Variants in RANBP2 observed in about 807,000 individuals in gnomAD.
RANBP2 encodes E3 SUMO-protein ligase RanBP2.
Under a neutral mutation model 303.6 loss-of-function variants are expected in RANBP2, and 57 were observed. The observed-to-expected ratio is 0.19, with a 90% CI of 0.15 to 0.23. The LOEUF (loss-of-function observed/expected upper bound fraction) is 0.23. RANBP2 is among the 10% of genes least tolerant of loss of function. The pLI is 1.00. For synonymous variants in RANBP2, 1,167 were observed against 1,301.5 expected (o/e 0.90, Z 2.23); for missense variants, 3,138 against 3,780.8 (o/e 0.83, Z 4.46).
At chr2:108,916,048 G>A in the RANBP2 span, among the ~76,000 whole-genome samples, 1 of 152,178 alleles carries the variant, frequency 6.6e-6, no homozygotes, top group East Asian at 1.9e-4. Context: ...AGTGTGATAA[G>A]GAGGCTTCAG....
At chr2:109,263,213 C>A in the RANBP2 span, among the ~76,000 whole-genome samples, 2 of 152,124 alleles carry the variant, frequency 1.3e-5, no homozygotes, top group Admixed American at 6.5e-5. Flanking sequence ...TTTATAATGA[C>A]CCGGCTGTCT....
At chr2:109,190,088 G>C in the RANBP2 span, among the ~76,000 whole-genome samples, 1 of 152,186 alleles carries the variant, frequency 6.6e-6, no homozygotes, top group Non-Finnish European at 1.5e-5. Context: ...AACTTTTCCC[G>C]TGATCATATG....
chr2:109,651,187 G>C, the RANBP2 span, among the ~76,000 whole-genome samples: 4 of 152,244 alleles, frequency 2.6e-5, no homozygotes, highest in East Asian at 7.7e-4. Context: ...GTAATAATGA[G>C]AGGGTTCACT....
chr2:108,776,484 T>G lies in RANBP2; in HGVS notation c.8497+548T>G, dbSNP rs7584452. ...TGGAAGTGGGAAGTTTAAGTTGTAT[T>G]GCTTTGTGTACCTTACCTACTTTTT... On this transcript the variant is annotated intron_variant, in intron 24 of 28. Transcript: ENST00000283195. 3.2e-3 allele frequency among the ~76,000 whole-genome samples: 484 copies of G among 152,298 alleles called. 2 individuals carry two copies. Among genetic ancestry groups the G allele is most frequent in the African/African-American group, 0.011 (442 of 41,564 alleles).
At chr2:108,760,269 T>C (rs1323608240) in intron 18 of RANBP2, among the ~76,000 whole-genome samples, 2 of 152,220 alleles carry the variant, frequency 1.3e-5, no homozygotes, top group Non-Finnish European at 2.9e-5. Flanking sequence ...TAGTTCTTTC[T>C]CTATACATAT....
At chr2:109,641,967 G>A in the RANBP2 span, among the ~76,000 whole-genome samples, 2 of 152,070 alleles carry the variant, frequency 1.3e-5, no homozygotes, top group African/African-American at 2.4e-5. Context: ...CACCATGCCC[G>A]GCTAATTTTT....
At chr2:109,338,781 C>T in the RANBP2 span, among the ~76,000 whole-genome samples, 1 of 152,188 alleles carries the variant, frequency 6.6e-6, no homozygotes, top group African/African-American at 2.4e-5. Context: ...TGGTCTCGAA[C>T]TCTTGACCTC....
the RANBP2 span, among the ~76,000 whole-genome samples, chr2:109,584,305 G>A: frequency 6.9e-5 from 9 of 130,448 alleles, no homozygotes; most frequent in Non-Finnish European, 1.0e-4. Context: ...GGTGAAACCC[G>A]TCTCTACTAA....
At chr2:109,565,793 C>T in the RANBP2 span, 1 of 1,614,056 alleles carries the variant, frequency 6.2e-7, no homozygotes, top group Admixed American at 1.7e-5. Context: ...TACTGGCGAG[C>T]TTTGACCATC....
the RANBP2 span, among the ~76,000 whole-genome samples, chr2:109,446,108 T>C: frequency 6.6e-6 from 1 of 151,770 alleles, no homozygotes. Flanking sequence ...CAGCTCGGGG[T>C]TGGGGCACCC....
the RANBP2 span, among the ~76,000 whole-genome samples, chr2:109,189,788 C>T: frequency 6.6e-6 from 1 of 152,172 alleles, no homozygotes. Flanking sequence ...ACAAGTTCCC[C>T]AACAGTGAGA....
chr2:108,910,470 G>A, the RANBP2 span: 2 of 1,613,442 alleles, frequency 1.2e-6, no homozygotes, highest in South Asian at 2.2e-5. Context: ...CTCTTGGTGG[G>A]CTTTGCTGGA....
intron 7 of RANBP2, among the ~76,000 whole-genome samples, chr2:108,743,683 T>A (rs1181171805): frequency 3.9e-5 from 6 of 152,238 alleles, no homozygotes; most frequent in Admixed American, 3.9e-4. Context: ...TGTTCAGAAA[T>A]ATTTTTTGCA....
the RANBP2 span, chr2:108,908,115 G>A: frequency 7.4e-7 from 1 of 1,356,654 alleles, no homozygotes; most frequent in South Asian, 1.5e-5. Context: ...CCCAGCTGTG[G>A]ACAGTGGGGG....
the RANBP2 span, among the ~76,000 whole-genome samples, chr2:109,402,952 G>C: frequency 1.3e-5 from 2 of 152,188 alleles, no homozygotes; most frequent in African/African-American, 4.8e-5. Context: ...GCTGCTTGCT[G>C]GGCACTGTGC....
chr2:108,971,123 G>A, the RANBP2 span, among the ~76,000 whole-genome samples: 1 of 152,106 alleles, frequency 6.6e-6, no homozygotes, highest in Non-Finnish European at 1.5e-5. Flanking sequence ...CTGGTGCCTG[G>A]ACCACATCCT....
chr2:109,452,557 A>G, the RANBP2 span, among the ~76,000 whole-genome samples: 4 of 152,206 alleles, frequency 2.6e-5, no homozygotes, highest in African/African-American at 9.6e-5. Context: ...GGCAGGGTGG[A>G]TACAGCTCCT....
chr2:108,861,218 T>C, the RANBP2 span, among the ~76,000 whole-genome samples: 1 of 151,822 alleles, frequency 6.6e-6, no homozygotes, highest in Non-Finnish European at 1.5e-5. Context: ...ATCATCTCTC[T>C]TTTTTTCTTT....
the RANBP2 span, among the ~76,000 whole-genome samples, chr2:109,176,286 G>A: frequency 6.6e-6 from 1 of 152,214 alleles, no homozygotes; most frequent in South Asian, 2.1e-4. Context: ...AGAGGAGGAA[G>A]CCAATTAATT....
Sources: gnomAD v4.1 joint callset for allele counts (sites outside exome capture counted in the v4.1 genomes callset) on GRCh38, gnomAD v4.1.1 for gene constraint, MANE v1.5 for transcripts, NCBI Gene and HGNC (gene_info 2026-07-23, HGNC 2026-07-21) for gene names.